The following CYP27C1 variants were observed in gnomAD, a reference collection of about 807,000 sequenced individuals.
The protein encoded by CYP27C1 is cytochrome P450 family 27 subfamily C member 1.
In CYP27C1, 29 loss-of-function variants were observed where a neutral mutation model predicts 40.6. That is an observed-to-expected ratio of 0.71 (90% CI 0.53 to 0.97). CYP27C1 has a LOEUF of 0.97. Among genes scored for constraint, CYP27C1 ranks in the 50% least tolerant of loss-of-function variants. CYP27C1 has a pLI of 0.00. For missense variants in CYP27C1, 390 were observed against 485.8 expected, an observed-to-expected ratio of 0.80 and a Z score of 1.85; for synonymous variants, 198 against 186.8, an observed-to-expected ratio of 1.06 and a Z score of -0.49.
intron 5 of CYP27C1, 72 bp downstream of exon 5, chr2:127,199,304 G>C: frequency 5.8e-6 from 9 of 1,554,600 alleles, no homozygotes; most frequent in African/African-American, 2.7e-5. Flanking sequence ...CAAAAAAGTA[G>C]ACAACGTCCA....
intron 8 of CYP27C1, among the ~76,000 whole-genome samples, chr2:127,189,811 G>A (rs961496447): frequency 8.5e-5 from 13 of 152,154 alleles, no homozygotes; most frequent in African/African-American, 3.1e-4. Context: ...TACACCTGAT[G>A]ATATGTGAAG....
Position 127,196,245 on chromosome 2 carries a change from GGA to G in CYP27C1, c.1048-746_1048-745del, listed in dbSNP as rs1682902321. Among the ~76,000 whole-genome samples, 1 of 78,992 alleles carries G rather than the reference GGA, an allele frequency of 1.3e-5. No homozygotes were observed. The highest frequency in any genetic ancestry group is 2.5e-5 in the Non-Finnish European group (1 of 40,754). 51.8% of individuals were successfully genotyped at this position (78,992 alleles called of 152,430 possible). Reference sequence around the variant, plus strand: ...GCCCGGCTAATTTTTTGTATTTTTAGGAGAGACAGGATTTCACTGTTAGCCAG... The same window carrying G: ...GCCCGGCTAATTTTTTGTATTTTTAGGAGACAGGATTTCACTGTTAGCCAG... On this transcript the variant is annotated intron_variant, in intron 5 of 8. Coordinates refer to ENST00000664447, the MANE Select transcript of CYP27C1 (RefSeq NM_001367502.1). This position sits in a 1 kb window ranked among gnomAD's most constrained non-coding sequence, Gnocchi z 4.5.
intron 2 of CYP27C1, among the ~76,000 whole-genome samples, chr2:127,204,523 A>AG (rs1683153468): frequency 1.2e-4 from 5 of 40,472 alleles, no homozygotes; most frequent in East Asian, 1.8e-3. Flanking sequence ...GAAGGAAAGA[A>AG]AGAAAGAAAG....
intron 3 of CYP27C1, among the ~76,000 whole-genome samples, chr2:127,202,181 A>G (rs1437616973): frequency 1.3e-5 from 2 of 151,184 alleles, no homozygotes. Context: ...CTGGAGTACA[A>G]TTGTGTGGTC....
chr2:127,211,457 A>G (rs1683337683), intron 1 of CYP27C1, among the ~76,000 whole-genome samples: 1 of 135,520 alleles, frequency 7.4e-6, no homozygotes, highest in African/African-American at 2.9e-5. Context: ...ATCTTGGCTC[A>G]CTGCAAGCTC....
rs571306085 is a variant in CYP27C1, at chr2:127,208,461, G to T, written c.283-2371C>A. 6.6e-6 allele frequency among the ~76,000 whole-genome samples: 1 copy of T among 152,324 alleles called. No homozygotes were observed. The highest frequency in any genetic ancestry group is 6.5e-5 in the Admixed American group (1 of 15,290). ...ATGCACAGATTCCTACAGCCTCTCA[G>T]CTGGAATCTGTTTAAGCCTACTGAA... is the stretch of plus-strand genomic sequence containing the variant. On this transcript the variant is annotated intron_variant, in intron 1 of 8. Coordinates refer to ENST00000664447, the MANE Select transcript of CYP27C1 (RefSeq NM_001367502.1). The surrounding 1 kb of genome is among the most constrained non-coding windows in gnomAD (Gnocchi z 5.2).
intron 1 of CYP27C1, among the ~76,000 whole-genome samples, chr2:127,217,185 CCATGGAACTATA>C: frequency 6.6e-6 from 1 of 152,120 alleles, no homozygotes; most frequent in South Asian, 2.1e-4. Context: ...TGGTGGTGGG[CCATGGAACTATA>C]CAGTCAGGCA....
At position 127,206,085 on chromosome 2, in the gene CYP27C1, C is replaced by T. The variant is rs1377567150; in HGVS notation, c.288G>A (p.Lys96=). ...GFSRIHEIQQ[K]HTREYGKIFK... is the part of the protein sequence containing the mutation. ...AGATTTTTCCATATTCCCGTGTGTG[C>T]TTCTGCTGCAATACCATGGAGAAAT... The change falls in exon 2 of 9, where the codon AAG becomes AAA. Residue 96 remains lysine (K), a synonymous_variant. Transcript: ENST00000664447. 6.6e-6 allele frequency among the ~76,000 whole-genome samples: 1 copy of T among 152,220 alleles called. No individual in the cohort carries two copies. Among genetic ancestry groups the T allele is most frequent in the Admixed American group, 6.5e-5 (1 of 15,286 alleles).
At chr2:127,204,282 A>AAGAG (rs1220024513) in intron 2 of CYP27C1, among the ~76,000 whole-genome samples, 14 of 109,328 alleles carry the variant, frequency 1.3e-4, no homozygotes, top group Middle Eastern at 4.5e-3. Flanking sequence ...AAAAGAAAGA[A>AAGAG]AGAGAGAGAG....
rs1350853887 is a variant in CYP27C1, at chr2:127,196,618, G to A, written c.1048-1117C>T. Among the ~76,000 whole-genome samples, 1 of 151,834 alleles carries A rather than the reference G, an allele frequency of 6.6e-6. No individual in the cohort carries two copies. Among genetic ancestry groups the A allele is most frequent in the Non-Finnish European group, 1.5e-5 (1 of 67,996 alleles). On this transcript the variant is annotated intron_variant, in intron 5 of 8. Coordinates refer to ENST00000664447, the MANE Select transcript of CYP27C1 (RefSeq NM_001367502.1). The surrounding 1 kb of genome is among the most constrained non-coding windows in gnomAD (Gnocchi z 4.5). Reference sequence around the variant, plus strand: ...ACGTGTTTTAGAGGGCAGCCCTCTTGTATATATAATATAATGTGCAAGGTC... The same window carrying A: ...ACGTGTTTTAGAGGGCAGCCCTCTTATATATATAATATAATGTGCAAGGTC...
chr2:127,217,314 C>T (rs1172590939), intron 1 of CYP27C1, among the ~76,000 whole-genome samples: 1 of 152,184 alleles, frequency 6.6e-6, no homozygotes, highest in Non-Finnish European at 1.5e-5. Flanking sequence ...CCCACTATGC[C>T]TCAGTTTCCT....
chr2:127,191,093 A>C (rs1039590758), intron 8 of CYP27C1, among the ~76,000 whole-genome samples: 1 of 151,556 alleles, frequency 6.6e-6, no homozygotes, highest in Non-Finnish European at 1.5e-5. Flanking sequence ...TTAAAAATAC[A>C]AAAATTAGCT....
rs770543437 is a variant in CYP27C1, at chr2:127,195,936, G to A, written c.1048-435C>T. Among the ~76,000 whole-genome samples, 6 of 152,182 alleles carry A rather than the reference G, an allele frequency of 3.9e-5. No individual in the cohort carries two copies. The highest frequency in any genetic ancestry group is 5.9e-5 in the Non-Finnish European group (4 of 68,032). On this transcript the variant is annotated intron_variant, in intron 5 of 8. Coordinates refer to ENST00000664447, the MANE Select transcript of CYP27C1 (RefSeq NM_001367502.1). This position sits in a 1 kb window ranked among gnomAD's most constrained non-coding sequence, Gnocchi z 6.2. ...CCGGCATCCCCAGGATGCTGGGCCC[G>A]GCCCACTCTGGCTGCCCTAATCTAG...
chr2:127,219,670 T>G lies in CYP27C1; in HGVS notation c.282+319A>C, dbSNP rs958244929. Among the ~76,000 whole-genome samples, 3 of 151,126 alleles carry G rather than the reference T, an allele frequency of 2.0e-5. No individual in the cohort carries two copies. Among genetic ancestry groups the G allele is most frequent in the African/African-American group, 7.3e-5 (3 of 40,996 alleles). On this transcript the variant is annotated intron_variant, in intron 1 of 8. Transcript: ENST00000664447. This position sits in a 1 kb window ranked among gnomAD's most constrained non-coding sequence, Gnocchi z 8.7. ...TCTGGCCCCGTTCCTCAGCTCCCTC[T>G]GCCTGCTGCCCCTCTCCGGGGTCCG...
chr2:127,203,694 A>G lies in CYP27C1; in HGVS notation c.474-123T>C, dbSNP rs114242914. The G allele has an allele frequency of 5.6e-4, 549 of 975,904 alleles. 5 individuals carry two copies. In the African/African-American group the frequency reaches 8.3e-3, roughly 15 times the overall value. The allele number at this position is 975,904 out of a possible 1,614,324, so 60.5% of individuals were successfully genotyped here. A position where few individuals can be genotyped will look rare whatever the true frequency, so the allele number is the denominator to read the frequency against. ...CAACAAGAGCTGCCCAACAAAGTAG[A>G]ATTAAGACAGGAAAGACTTTTTGCT... On this transcript the variant is annotated intron_variant, in intron 2 of 8. Coordinates refer to ENST00000664447, the MANE Select transcript of CYP27C1 (RefSeq NM_001367502.1).
intron 3 of CYP27C1, among the ~76,000 whole-genome samples, chr2:127,202,618 C>G (rs1318950633): frequency 6.6e-6 from 1 of 152,148 alleles, no homozygotes. Context: ...TTCACTGAAG[C>G]CTTTTTGGTA....
At chr2:127,197,147 C>T (rs2104681731) in intron 5 of CYP27C1, among the ~76,000 whole-genome samples, 1 of 152,312 alleles carries the variant, frequency 6.6e-6, no homozygotes, top group South Asian at 2.1e-4. Flanking sequence ...AGCGACGAAG[C>T]CATTCATTGA....
intron 8 of CYP27C1, among the ~76,000 whole-genome samples, chr2:127,192,249 A>C (rs1682792638): frequency 6.6e-6 from 1 of 152,040 alleles, no homozygotes; most frequent in Non-Finnish European, 1.5e-5. Context: ...TGGGGAGATG[A>C]GGTCACCAGG....
rs1439650050 is a variant in CYP27C1 at position 127,204,484 on chromosome 2, GA to G, written c.474-914del. On this transcript the variant is annotated intron_variant, in intron 2 of 8. Coordinates refer to ENST00000664447, the MANE Select transcript of CYP27C1 (RefSeq NM_001367502.1). ...AGAAAGAAAGAAAGAAAGAAAGAAA[GA>G]AAGGAAGGAAGGAAGGAAGGAAAGA... Among the ~76,000 whole-genome samples, 164 of 68,478 alleles carry G rather than the reference GA, an allele frequency of 2.4e-3. 11 individuals are homozygous for G. The highest frequency in any genetic ancestry group is 8.3e-3 in the African/African-American group (146 of 17,526). 44.9% of individuals were successfully genotyped at this position (68,478 alleles called of 152,430 possible).
Sources: allele counts gnomAD v4.1 joint callset (sites outside exome capture counted in the v4.1 genomes callset), GRCh38; gene constraint gnomAD v4.1.1; non-coding constraint Gnocchi (gnomAD v3.1); transcripts MANE v1.5; gene names NCBI Gene and HGNC (gene_info 2026-07-23, HGNC 2026-07-21).